The following GATD1 variants were observed in gnomAD, a reference collection of about 807,000 sequenced individuals.
GATD1 encodes glutamine amidotransferase-like class 1 domain-containing protein 1.
In GATD1, 23 loss-of-function variants were observed where a neutral mutation model predicts 25.9. The observed-to-expected ratio is 0.89, with a 90% CI of 0.64 to 1.26. The LOEUF (loss-of-function observed/expected upper bound fraction) is 1.26. Among genes scored for constraint, GATD1 ranks in the 50% most tolerant of loss-of-function variants. The probability of loss-of-function intolerance (pLI) is 0.00; values close to 1 mark genes in which losing one functional copy is unlikely to be tolerated. For missense variants in GATD1, 347 were observed against 312.5 expected, an observed-to-expected ratio of 1.11 and a Z score of -0.83; for synonymous variants, 177 against 134.6, an observed-to-expected ratio of 1.31 and a Z score of -2.18.
At position 769,974 on chromosome 11, in the gene GATD1, C is replaced by T; in HGVS notation, c.*923G>A. On this transcript the variant is annotated 3_prime_UTR_variant, in exon 8 of 8. Coordinates refer to ENST00000319863, the MANE Select transcript of GATD1 (RefSeq NM_182612.4). Reference sequence around the variant, plus strand: ...CTGGCAGGTCACTGGCACCAGGAGCCACGCTGGTGCTTGGGAACGGCTGTG... The same window carrying T: ...CTGGCAGGTCACTGGCACCAGGAGCTACGCTGGTGCTTGGGAACGGCTGTG... 1 of 1,023,834 alleles carries T rather than the reference C, an allele frequency of 9.8e-7. No individual in the cohort carries two copies. The highest frequency in any genetic ancestry group is 1.7e-5 in the African/African-American group (1 of 58,820). 63.4% of individuals were successfully genotyped at this position (1,023,834 alleles called of 1,614,324 possible). A position where few individuals can be genotyped will look rare whatever the true frequency, so the allele number is the denominator to read the frequency against.
At position 774,698 on chromosome 11, in the gene GATD1, C is replaced by T. The variant is rs545538032; in HGVS notation, c.141+368G>A. ...ATACAAAATGAGCTGGGCGTGGTGG[C>T]GCATGCCTGTAATCCCAGCTACTCG... On this transcript the variant is annotated intron_variant, in intron 2 of 7. Transcript: ENST00000319863. Among the ~76,000 whole-genome samples the T allele has an allele frequency of 7.2e-5, 11 of 152,284 alleles. No individual in the cohort carries two copies. The South Asian group carries it at 1.9e-3, about 26-fold the overall frequency.
rs766670709 is a variant in GATD1, at chr11:771,426, G to C, written c.451C>G (p.Pro151Ala). ...WVFDSYSLTGPSVCELVRAPG... is the reference protein window; with the variant it reads ...WVFDSYSLTGASVCELVRAPG... Reference sequence around the variant, plus strand: ...GCCCTGACGAGCTCACACACAGAGGGCTGCGGGAGCGGGGTGGGGGCTCCT... The same window carrying C: ...GCCCTGACGAGCTCACACACAGAGGCCTGCGGGAGCGGGGTGGGGGCTCCT... The change falls in exon 6 of 8, where the codon CCC becomes GCC. Residue 151 changes from proline (P) to alanine (A), a missense_variant and splice_region_variant. Pro to Ala is a conservative substitution (Grantham distance 27, BLOSUM62 -1). Transcript: ENST00000319863. 3 of 1,527,060 alleles carry C rather than the reference G, an allele frequency of 2.0e-6. No individual in the cohort carries two copies. The Admixed American group carries it at 6.4e-5, about 33-fold the overall frequency. The allele number at this position is 1,527,060 out of a possible 1,614,324, so 94.6% of individuals were successfully genotyped here. A position where few individuals can be genotyped will look rare whatever the true frequency, so the allele number is the denominator to read the frequency against.
At position 770,315 on chromosome 11, in the gene GATD1, C is replaced by T. The variant is rs1197550621; in HGVS notation, c.*582G>A. On this transcript the variant is annotated 3_prime_UTR_variant, in exon 8 of 8. Transcript: ENST00000319863. Reference sequence around the variant, plus strand: ...AGGGTGCATCACTGAGGTGCTTACACTTTGAAACCACACGCCAGGAAGATT... The same window carrying T: ...AGGGTGCATCACTGAGGTGCTTACATTTTGAAACCACACGCCAGGAAGATT... The T allele has an allele frequency of 2.6e-6, 4 of 1,532,970 alleles. No homozygotes were observed. Among genetic ancestry groups the T allele is most frequent in the Admixed American group, 2.0e-5 (1 of 50,504 alleles). 95.0% of individuals were successfully genotyped at this position (1,532,970 alleles called of 1,614,324 possible). A position where few individuals can be genotyped will look rare whatever the true frequency, so the allele number is the denominator to read the frequency against.
chr11:770,496 G>C lies in GATD1; in HGVS notation c.*401C>G. Reference sequence around the variant, plus strand: ...CCCACCAACAGTGAAAGAGGTGGTGGGTGGCAGACAGGCCACAGCAGGGCA... The same window carrying C: ...CCCACCAACAGTGAAAGAGGTGGTGCGTGGCAGACAGGCCACAGCAGGGCA... On this transcript the variant is annotated 3_prime_UTR_variant, in exon 8 of 8. Coordinates refer to ENST00000319863, the MANE Select transcript of GATD1 (RefSeq NM_182612.4). 7.0e-7 allele frequency: 1 copy of C among 1,437,568 alleles called. No individual in the cohort carries two copies. Among genetic ancestry groups the C allele is most frequent in the Non-Finnish European group, 9.1e-7 (1 of 1,096,484 alleles). The allele number at this position is 1,437,568 out of a possible 1,614,324, so 89.1% of individuals were successfully genotyped here.
In GATD1 at chr11:767,610, C is replaced by T; in HGVS notation, c.*3287G>A. The T allele has an allele frequency of 2.2e-6, 3 of 1,384,750 alleles. No homozygotes were observed. In the South Asian group the frequency reaches 4.8e-5, roughly 22 times the overall value. The allele number at this position is 1,384,750 out of a possible 1,614,324, so 85.8% of individuals were successfully genotyped here. On this transcript the variant is annotated 3_prime_UTR_variant, in exon 8 of 8. Transcript: ENST00000319863. ...ATGAGGCTCACTGGCTCTTCATGCA[C>T]CCTGCTGTGGCCTGAGCACGTCCCC...
At position 768,512 on chromosome 11, in the gene GATD1, G is replaced by C. The variant is rs1449161625; in HGVS notation, c.*2385C>G. On this transcript the variant is annotated 3_prime_UTR_variant, in exon 8 of 8. Transcript: ENST00000319863. ...AAGGAAAAATACAAAAATTAGCTGG[G>C]TGTGGTGGTGTGCACCTGTAGTCCT... 1.3e-5 allele frequency: 2 copies of C among 152,028 alleles called. No homozygotes were observed. Among genetic ancestry groups the C allele is most frequent in the African/African-American group, 4.8e-5 (2 of 41,364 alleles). 9.4% of individuals were successfully genotyped at this position (152,028 alleles called of 1,614,324 possible).
chr11:771,733 G>A (rs1022196135), intron 5 of GATD1, among the ~76,000 whole-genome samples: 2 of 152,076 alleles, frequency 1.3e-5, no homozygotes, highest in Non-Finnish European at 2.9e-5. Flanking sequence ...TGGGCAGAGT[G>A]CTGGGGCGGG....
At chr11:771,876 G>C (rs73409151) in intron 5 of GATD1, among the ~76,000 whole-genome samples, 1 of 152,106 alleles carries the variant, frequency 6.6e-6, no homozygotes, top group Non-Finnish European at 1.5e-5. Context: ...CCTCAGCAGG[G>C]GAAGTGACAT....
At position 770,386 on chromosome 11, in the gene GATD1, G is replaced by C. The variant is rs956502980; in HGVS notation, c.*511C>G. Reference sequence around the variant, plus strand: ...CCAGTGCCGGTCGGCCTTGGGGCAGGAGGCTGCTGCTCCTAAAAAATTCCG... The same window carrying C: ...CCAGTGCCGGTCGGCCTTGGGGCAGCAGGCTGCTGCTCCTAAAAAATTCCG... On this transcript the variant is annotated 3_prime_UTR_variant, in exon 8 of 8. Transcript: ENST00000319863. The C allele has an allele frequency of 6.0e-5, 91 of 1,529,094 alleles. No individual in the cohort carries two copies. The highest frequency in any genetic ancestry group is 8.2e-5 in the Admixed American group (4 of 48,560). The allele number at this position is 1,529,094 out of a possible 1,614,324, so 94.7% of individuals were successfully genotyped here.
At position 770,104 on chromosome 11, in the gene GATD1, C is replaced by A; in HGVS notation, c.*793G>T. The A allele has an allele frequency of 5.7e-6, 7 of 1,219,980 alleles. No individual in the cohort carries two copies. Among genetic ancestry groups the A allele is most frequent in the Non-Finnish European group, 7.1e-6 (7 of 980,042 alleles). 75.6% of individuals were successfully genotyped at this position (1,219,980 alleles called of 1,614,324 possible). A position where few individuals can be genotyped will look rare whatever the true frequency, so the allele number is the denominator to read the frequency against. On this transcript the variant is annotated 3_prime_UTR_variant, in exon 8 of 8. Coordinates refer to ENST00000319863, the MANE Select transcript of GATD1 (RefSeq NM_182612.4). ...CTCTCCTGGACGCCCTAACCTGGGG[C>A]CAGGGGGCAGCCCGCTGGAGGGCCA...
intron 1 of GATD1, among the ~76,000 whole-genome samples, chr11:775,760 G>A (rs1481153072): frequency 3.9e-5 from 6 of 152,028 alleles, no homozygotes; most frequent in African/African-American, 1.4e-4. Context: ...AGCATCCTTC[G>A]GCCCCTCAAA....
At chr11:774,955 T>G in intron 2 of GATD1, 111 bp downstream of exon 2, 1 of 969,388 alleles carries the variant, frequency 1.0e-6, no homozygotes, top group East Asian at 2.7e-5. Flanking sequence ...CTCCACCAAC[T>G]GCAGGGGCTC....
intron 4 of GATD1, 194 bp from the exon 5 acceptor site, chr11:772,715 C>T (rs1048335709): frequency 3.5e-5 from 21 of 600,824 alleles, no homozygotes; most frequent in African/African-American, 2.8e-4. Flanking sequence ...GGAATCTGCT[C>T]GGGGGAGCTG....
chr11:774,137 C>T (rs1413370965), intron 2 of GATD1, 24 bp from the exon 3 acceptor site: 7 of 1,590,856 alleles, frequency 4.4e-6, no homozygotes, highest in East Asian at 4.5e-5. Flanking sequence ...GCCCAGGGGC[C>T]GAGGGTCAGC....
In GATD1 at chr11:769,782, T is replaced by C; in HGVS notation, c.*1115A>G. 5.3e-6 allele frequency: 2 copies of C among 380,448 alleles called. No individual in the cohort carries two copies. Among genetic ancestry groups the C allele is most frequent in the Non-Finnish European group, 7.2e-6 (2 of 277,056 alleles). 23.6% of individuals were successfully genotyped at this position (380,448 alleles called of 1,614,324 possible). Reference sequence around the variant, plus strand: ...CCACCACCATGCCAGGCTAACTTTTTGTATTTTTGTTTTTTAGTAGAGATG... The same window carrying C: ...CCACCACCATGCCAGGCTAACTTTTCGTATTTTTGTTTTTTAGTAGAGATG... On this transcript the variant is annotated 3_prime_UTR_variant, in exon 8 of 8. Coordinates refer to ENST00000319863, the MANE Select transcript of GATD1 (RefSeq NM_182612.4).
chr11:775,162 G>A lies in GATD1; in HGVS notation c.65-20C>T. 3 of 1,585,618 alleles carry A rather than the reference G, an allele frequency of 1.9e-6. No homozygotes were observed. Among genetic ancestry groups the A allele is most frequent in the Non-Finnish European group, 2.6e-6 (3 of 1,166,598 alleles). ...ACACACCTGCAGAAGGTCCCAGTGA[G>A]TGTGGGCTCGACAGGACTAGCGTGC... is the stretch of plus-strand genomic sequence containing the variant. On this transcript the variant is annotated intron_variant, in intron 1 of 7. Coordinates refer to ENST00000319863, the MANE Select transcript of GATD1 (RefSeq NM_182612.4).
chr11:771,237 T>G, intron 6 of GATD1, 96 bp downstream of exon 6: 1 of 1,550,476 alleles, frequency 6.4e-7, no homozygotes, highest in Non-Finnish European at 8.7e-7. Context: ...TGGGGGTCTA[T>G]AGAACCCAGG....
In GATD1 at chr11:771,430, C is replaced by G; in HGVS notation, c.451-4G>C. 1 of 1,524,936 alleles carries G rather than the reference C, an allele frequency of 6.6e-7. No individual in the cohort carries two copies. Among genetic ancestry groups the G allele is most frequent in the Non-Finnish European group, 8.8e-7 (1 of 1,140,354 alleles). The allele number at this position is 1,524,936 out of a possible 1,614,324, so 94.5% of individuals were successfully genotyped here. A position where few individuals can be genotyped will look rare whatever the true frequency, so the allele number is the denominator to read the frequency against. On this transcript the variant is annotated splice_region_variant and splice_polypyrimidine_tract_variant and intron_variant, in intron 5 of 7. Transcript: ENST00000319863. Reference sequence around the variant, plus strand: ...TGACGAGCTCACACACAGAGGGCTGCGGGAGCGGGGTGGGGGCTCCTGAGA... The same window carrying G: ...TGACGAGCTCACACACAGAGGGCTGGGGGAGCGGGGTGGGGGCTCCTGAGA...
chr11:767,726 G>A lies in GATD1; in HGVS notation c.*3171C>T. 1 of 673,948 alleles carries A rather than the reference G, an allele frequency of 1.5e-6. No individual in the cohort carries two copies. Among genetic ancestry groups the A allele is most frequent in the East Asian group, 7.0e-5 (1 of 14,364 alleles). The allele number at this position is 673,948 out of a possible 1,614,324, so 41.7% of individuals were successfully genotyped here. On this transcript the variant is annotated 3_prime_UTR_variant, in exon 8 of 8. Coordinates refer to ENST00000319863, the MANE Select transcript of GATD1 (RefSeq NM_182612.4). ...CATCCGGTCACAGGGCAGGGGCACA[G>A]CCTCATCATGGGACCATCACCCTCA... is the stretch of plus-strand genomic sequence containing the variant.
Sources: gnomAD v4.1 joint callset for allele counts (sites outside exome capture counted in the v4.1 genomes callset) on GRCh38, gnomAD v4.1.1 for gene constraint, MANE v1.5 for transcripts, NCBI Gene and HGNC (gene_info 2026-07-23, HGNC 2026-07-21) for gene names.